Variants in C5orf46 observed in about 807,000 individuals in gnomAD.
C5orf46 encodes the protein uncharacterized protein C5orf46.
A neutral mutation model predicts 8.9 loss-of-function variants in C5orf46; 9 were observed. The ratio of observed to expected loss-of-function variants is 1.01; its 90% confidence interval spans 0.61 to 1.76. The LOEUF is 1.76. C5orf46 is among the 40% of genes most tolerant of loss of function. The probability of loss-of-function intolerance (pLI) is 0.00; values close to 1 mark genes in which losing one functional copy is unlikely to be tolerated. For missense variants in C5orf46, 98 were observed against 107.8 expected (o/e 0.91, Z 0.40); for synonymous variants, 47 against 41.4 (o/e 1.14, Z -0.52).
chr5:147,901,088 C>A (rs1757661009), intron 2 of C5orf46, among the ~76,000 whole-genome samples: 1 of 152,138 alleles, frequency 6.6e-6, no homozygotes, highest in Non-Finnish European at 1.5e-5. Flanking sequence ...TATCTACTGT[C>A]TCTGCTAACC....
intron 1 of C5orf46, among the ~76,000 whole-genome samples, chr5:147,904,542 A>G (rs183326539): frequency 6.2e-4 from 94 of 152,240 alleles, no homozygotes; most frequent in African/African-American, 2.2e-3. Flanking sequence ...AATAAATTCT[A>G]TTGACTTGTT....
intron 2 of C5orf46, among the ~76,000 whole-genome samples, chr5:147,900,430 T>C (rs1417510853): frequency 6.6e-6 from 1 of 152,120 alleles, no homozygotes; most frequent in East Asian, 1.9e-4. Context: ...TTTGAAAATC[T>C]AATAGAAGTC....
rs779151431 is a variant in C5orf46, at chr5:147,906,516, G to T, written c.-15C>A. ...GAGACAGCCATTCTGGTAGCACGGG[G>T]TATTCGTGCAGATAAATTGTTCAGA... On this transcript the variant is annotated 5_prime_UTR_variant, in exon 1 of 4. Transcript: ENST00000318315. 4 of 1,594,432 alleles carry T rather than the reference G, an allele frequency of 2.5e-6. No individual in the cohort carries two copies. Among genetic ancestry groups the T allele is most frequent in the Admixed American group, 3.3e-5 (2 of 59,818 alleles).
At chr5:147,901,838 G>T in intron 1 of C5orf46, 65 bp from the exon 2 acceptor site, 2 of 1,538,174 alleles carry the variant, frequency 1.3e-6, no homozygotes, top group Non-Finnish European at 1.8e-6. Flanking sequence ...CTTTCTGTGT[G>T]GGGAACGCTT....
downstream of C5orf46, among the ~76,000 whole-genome samples, chr5:147,889,832 T>A (rs1029687879): frequency 7.9e-5 from 12 of 152,156 alleles, no homozygotes; most frequent in African/African-American, 2.9e-4. Context: ...GTACTAAGTA[T>A]GAGGATTCAA....
chr5:147,890,097 G>A (rs1005176420), downstream of C5orf46, among the ~76,000 whole-genome samples: 4 of 152,114 alleles, frequency 2.6e-5, no homozygotes, highest in South Asian at 4.1e-4. Flanking sequence ...CCGGATTTCC[G>A]AGGGAGCATG....
At chr5:147,905,129 T>C (rs930797254) in intron 1 of C5orf46, among the ~76,000 whole-genome samples, 29 of 152,118 alleles carry the variant, frequency 1.9e-4, no homozygotes, top group Admixed American at 1.7e-3. Context: ...GTCAATAGTT[T>C]AATATTTTCT....
chr5:147,901,846 C>T (rs760489500), intron 1 of C5orf46, 73 bp from the exon 2 acceptor site: 49 of 1,509,796 alleles, frequency 3.2e-5, no homozygotes, highest in Non-Finnish European at 4.3e-5. Context: ...GTGGGGAACG[C>T]TTGGGATTCT....
chr5:147,887,931 G>C (rs376477248), downstream of C5orf46, among the ~76,000 whole-genome samples: 4 of 151,370 alleles, frequency 2.6e-5, no homozygotes, highest in Non-Finnish European at 5.9e-5. Flanking sequence ...TCAGTGCACA[G>C]GTGGCAGCAG....
chr5:147,905,943 T>G (rs951140051), intron 1 of C5orf46, among the ~76,000 whole-genome samples: 1 of 152,182 alleles, frequency 6.6e-6, no homozygotes, highest in African/African-American at 2.4e-5. Flanking sequence ...CCCTTCCAAT[T>G]TGTTTCATTC....
chr5:147,903,500 A>G (rs1454878079), intron 1 of C5orf46, among the ~76,000 whole-genome samples: 2 of 152,168 alleles, frequency 1.3e-5, no homozygotes, highest in African/African-American at 4.8e-5. Context: ...AGATGTAACT[A>G]CCTTTTGTGT....
intron 1 of C5orf46, 31 bp downstream of exon 1, chr5:147,906,401 C>A (rs769959748): frequency 2.6e-6 from 4 of 1,509,900 alleles, no homozygotes; most frequent in Admixed American, 1.7e-5. Context: ...AACTACTGAA[C>A]AATTCATGGG....
chr5:147,890,797 T>C (rs60783706), downstream of C5orf46, among the ~76,000 whole-genome samples: 10,138 of 151,680 alleles, frequency 0.067, 777 homozygotes, highest in African/African-American at 0.19. Flanking sequence ...AGCTAATGAG[T>C]AGGAGAAAGG....
chr5:147,886,552 T>C (rs554700450), intron 2 of C5orf46: 1 of 151,204 alleles, frequency 6.6e-6, no homozygotes, highest in South Asian at 2.1e-4. Context: ...TGCATATATG[T>C]AACTTTCATT....
intron 2 of C5orf46, among the ~76,000 whole-genome samples, chr5:147,901,041 T>C (rs1431206972): frequency 2.0e-5 from 3 of 152,154 alleles, no homozygotes; most frequent in Non-Finnish European, 4.4e-5. Context: ...CCAACACTCA[T>C]GTTGAGAGGT....
intron 1 of C5orf46, among the ~76,000 whole-genome samples, chr5:147,904,837 A>G (rs1304696674): frequency 6.7e-6 from 1 of 149,552 alleles, no homozygotes; most frequent in Non-Finnish European, 1.5e-5. Flanking sequence ...ATCTATATAT[A>G]TATACACACA....
downstream of C5orf46, among the ~76,000 whole-genome samples, chr5:147,891,545 A>G (rs565096574): frequency 2.0e-5 from 3 of 152,332 alleles, no homozygotes; most frequent in African/African-American, 7.2e-5. Context: ...AAAATGTACA[A>G]TAGACAGGTG....
At position 147,906,482 on chromosome 5, in the gene C5orf46, C is replaced by G; in HGVS notation, c.20G>C (p.Arg7Pro). ...AAGCAGTCCCAGGACAACTGTCAGG[C>G]GAAGTACTGAGACAGCCATTCTGGT... is the stretch of plus-strand genomic sequence containing the variant. The part of the protein sequence containing the change: MAVSVL[R>P]LTVVLGLLVL... Residue 7 changes from arginine to proline, a missense_variant, in exon 1 of 4, where the codon CGC becomes CCC. By Grantham distance (103) the Arg-to-Pro change is moderately radical. Transcript: ENST00000318315. The G allele has an allele frequency of 6.2e-7, 1 of 1,611,644 alleles. No homozygotes were observed. Among genetic ancestry groups the G allele is most frequent in the Non-Finnish European group, 8.5e-7 (1 of 1,178,602 alleles).
intron 2 of C5orf46, among the ~76,000 whole-genome samples, chr5:147,897,287 A>G (rs1757596769): frequency 6.6e-6 from 1 of 152,232 alleles, no homozygotes; most frequent in Non-Finnish European, 1.5e-5. Flanking sequence ...AACTCCATAA[A>G]GTCATATATT....
Sources: gnomAD v4.1 joint callset for allele counts (sites outside exome capture counted in the v4.1 genomes callset) on GRCh38, gnomAD v4.1.1 for gene constraint, MANE v1.5 for transcripts, NCBI Gene and HGNC (gene_info 2026-07-23, HGNC 2026-07-21) for gene names.